RDH13: variants seen among roughly 807,000 people sequenced by gnomAD.
RDH13 encodes the protein retinol dehydrogenase 13.
RDH13 carries 35 observed loss-of-function variants against 28.3 expected under a neutral mutation model. That is an observed-to-expected ratio of 1.24 (90% CI 0.95 to 1.64). The LOEUF is 1.64. Ranked by LOEUF, RDH13 falls within the 40% of genes most tolerant of loss-of-function variation. The pLI is 0.00. For synonymous variants in RDH13, 229 were observed against 198.5 expected, an observed-to-expected ratio of 1.15 and a Z score of -1.29; for missense variants, 514 against 446.3, an observed-to-expected ratio of 1.15 and a Z score of -1.37.
chr19:55,047,546 T>C, intron 5 of RDH13, 58 bp from the exon 6 acceptor site: 1 of 1,539,590 alleles, frequency 6.5e-7, no homozygotes, highest in Non-Finnish European at 8.7e-7. Context: ...TGGGAGGCTG[T>C]GGCAGCCCAC....
rs1228608189 is a variant in RDH13, at chr19:55,045,265, G to A, written c.805C>T (p.Gln269Ter). The change falls in exon 7 of 7, where the codon CAG becomes TAG. Residue 269 changes from glutamine (Q) to a stop codon, truncating the protein, a stop_gained. Transcript: ENST00000415061. LOFTEE classifies it high-confidence loss of function. ...LLVKSPELAA[Q>*]PSTYLAVAEE... ...GCCACGGCCAGGTATGTGCTGGGCT[G>A]GGCGGCCAGCTCGGGGCTCTTGACC... 1 of 1,613,104 alleles carries A rather than the reference G, an allele frequency of 6.2e-7. No individual in the cohort carries two copies.
chr19:55,051,279 A>G (rs1226399590), intron 3 of RDH13, among the ~76,000 whole-genome samples: 1 of 152,174 alleles, frequency 6.6e-6, no homozygotes, highest in Non-Finnish European at 1.5e-5. Flanking sequence ...CGGGAAAATG[A>G]GGCAGGGCCC....
chr19:55,063,400 A>G (rs568138406), upstream of RDH13: 69 of 272,566 alleles, frequency 2.5e-4, no homozygotes, highest in Admixed American at 7.5e-4. Context: ...GAATCCCACC[A>G]CTGTCAATTC....
At chr19:55,045,958 A>AG (rs2075214717) in intron 6 of RDH13, among the ~76,000 whole-genome samples, 1 of 138,580 alleles carries the variant, frequency 7.2e-6, no homozygotes, top group African/African-American at 2.7e-5. Context: ...AAAAAAAAAA[A>AG]AAAAAAGGGC....
intron 1 of RDH13, among the ~76,000 whole-genome samples, chr19:55,061,436 CTTCT>C (rs1310253854): frequency 6.6e-6 from 1 of 151,966 alleles, no homozygotes; most frequent in Admixed American, 6.6e-5. Context: ...ACAACCTCTC[CTTCT>C]ATCTTCCATC....
chr19:55,063,048 G>GGCGTCAC lies in RDH13; in HGVS notation c.-17_-16insGTGACGC. 1 of 1,287,944 alleles carries GGCGTCAC rather than the reference G, an allele frequency of 7.8e-7. No individual in the cohort carries two copies. The highest frequency in any genetic ancestry group is 9.7e-7 in the Non-Finnish European group (1 of 1,025,768). 79.8% of individuals were successfully genotyped at this position (1,287,944 alleles called of 1,614,324 possible). A position where few individuals can be genotyped will look rare whatever the true frequency, so the allele number is the denominator to read the frequency against. On this transcript the variant is annotated 5_prime_UTR_variant, in exon 1 of 7. Coordinates refer to ENST00000415061, the MANE Select transcript of RDH13 (RefSeq NM_001145971.2). ...AGCGGCTCATGCCGGGCCGGGGACA[G>GGCGTCAC]GCGTCAGGCGTCAGGGGTCGGCGCG...
chr19:55,062,876 C>G, intron 1 of RDH13, 92 bp downstream of exon 1: 1 of 1,145,084 alleles, frequency 8.7e-7, no homozygotes. Flanking sequence ...GGGCCTGGAC[C>G]CGGGTGCGAG....
intron 3 of RDH13, among the ~76,000 whole-genome samples, chr19:55,055,733 C>T (rs1016972347): frequency 6.6e-6 from 1 of 151,542 alleles, no homozygotes; most frequent in Non-Finnish European, 1.5e-5. Flanking sequence ...TATGCCTGTA[C>T]TCCCAGCTAC....
At chr19:55,041,387 G>C (rs1317395062), downstream of RDH13, 2 of 152,278 alleles carry the variant, frequency 1.3e-5, no homozygotes, top group Admixed American at 1.3e-4. Flanking sequence ...CGAAGCCAAG[G>C]ACACTGCTCA....
upstream of RDH13, chr19:55,063,937 C>G (rs550074985): frequency 2.0e-5 from 3 of 152,208 alleles, no homozygotes; most frequent in Non-Finnish European, 4.4e-5. Context: ...CTGCTCACAG[C>G]GAGTGTATCT....
rs1407912454 is a variant in RDH13, at chr19:55,049,935, TTCC to T, written c.341-1175_341-1173del. Among the ~76,000 whole-genome samples the T allele has an allele frequency of 5.1e-3, 215 of 42,540 alleles. 1 individual carries two copies. The highest frequency in any genetic ancestry group is 0.027 in the South Asian group (47 of 1,740). 27.9% of individuals were successfully genotyped at this position (42,540 alleles called of 152,430 possible). Reference sequence around the variant, plus strand: ...CAGGTGACCATCTCCTCTCTCCCTCTTCCCTTCCTCTTCCCTTTGGAGCTGTCT... The same window carrying T: ...CAGGTGACCATCTCCTCTCTCCCTCTCTTCCTCTTCCCTTTGGAGCTGTCT... On this transcript the variant is annotated intron_variant, in intron 3 of 6. Transcript: ENST00000415061.
downstream of RDH13, chr19:55,040,647 T>C (rs879650639): frequency 3.3e-5 from 5 of 152,254 alleles, no homozygotes; most frequent in Admixed American, 6.5e-5. Context: ...TTAAGCTGCA[T>C]AGAATTTTAA....
intron 3 of RDH13, among the ~76,000 whole-genome samples, chr19:55,049,856 G>A (rs892815145): frequency 8.6e-5 from 13 of 151,446 alleles, no homozygotes; most frequent in African/African-American, 2.4e-4. Flanking sequence ...GGCAGGGCTG[G>A]TTCCCTCTCA....
At chr19:55,048,030 C>G (rs920938974) in intron 5 of RDH13, 2 of 1,438,038 alleles carry the variant, frequency 1.4e-6, no homozygotes, top group Non-Finnish European at 1.8e-6. Context: ...CAAAACTGCC[C>G]CTGGTTGAGA....
chr19:55,067,614 G>T (rs754724822), upstream of RDH13: 2 of 152,200 alleles, frequency 1.3e-5, no homozygotes, highest in Non-Finnish European at 2.9e-5. Context: ...GACTCAGAGG[G>T]CGCTGGGTAC....
chr19:55,068,182 TC>T lies in RDH13; in HGVS notation c.-266+1139del, dbSNP rs1160839308. 3.3e-5 allele frequency among the ~76,000 whole-genome samples: 5 copies of T among 149,556 alleles called. No homozygotes were observed. In the South Asian group the frequency reaches 1.1e-3, roughly 32 times the overall value. On this transcript the variant is annotated intron_variant, in intron 1 of 7. Transcript: ENST00000396247. ...TCCTCTTTTCCTTTGTCTCTCTCTC[TC>T]CCCCCAACTCTCTCTCCCTACACAC...
At chr19:55,063,411 C>T (rs1368309366), upstream of RDH13, 5 of 255,422 alleles carry the variant, frequency 2.0e-5, no homozygotes, top group East Asian at 2.8e-4. Context: ...CTGTCAATTC[C>T]AGACTGTGAC....
In RDH13 at chr19:55,045,104, G is replaced by C. The variant is rs541334245; in HGVS notation, c.966C>G (p.Pro322=). 253 of 1,611,384 alleles carry C rather than the reference G, an allele frequency of 1.6e-4. 5 individuals carry two copies. In the South Asian group the frequency reaches 2.7e-3, roughly 17 times the overall value. The stretch of plus-strand genomic sequence containing the variant: ...TGGGGAGGGGCTGCTCCCTCACAGA[G>C]GGAGCCTCTAAGCCCACCAGGCGGG... ...ESARLVGLEA[P]SVREQPLPR is the part of the protein sequence containing the mutation. The change falls in exon 7 of 7, where the codon CCC becomes CCG. Residue 322 remains proline, a synonymous_variant. Coordinates refer to ENST00000415061, the MANE Select transcript of RDH13 (RefSeq NM_001145971.2).
intron 3 of RDH13, chr19:55,051,072 C>CGGT (rs2075415886): frequency 2.0e-5 from 3 of 151,528 alleles, no homozygotes. Flanking sequence ...CTTACTCATT[C>CGGT]AGTAAGTATT....
Sources: gnomAD v4.1 joint callset for allele counts (sites outside exome capture counted in the v4.1 genomes callset) on GRCh38, gnomAD v4.1.1 for gene constraint, MANE v1.5 for transcripts, NCBI Gene and HGNC (gene_info 2026-07-23, HGNC 2026-07-21) for gene names.